Variants in INO80D observed in about 807,000 individuals in gnomAD.
The protein encoded by INO80D is INO80 complex subunit D.
In INO80D, 21 loss-of-function variants were observed where a neutral mutation model predicts 87.6. The observed-to-expected ratio is 0.24, with a 90% CI of 0.17 to 0.35. INO80D has a LOEUF of 0.35. INO80D is among the 10% of genes least tolerant of loss of function. The pLI, the probability that INO80D is intolerant of heterozygous loss-of-function variation, is 1.00. For missense variants in INO80D, 982 were observed against 1,280.7 expected, an observed-to-expected ratio of 0.77 and a Z score of 3.56; for synonymous variants, 440 against 491.0, an observed-to-expected ratio of 0.90 and a Z score of 1.37.
chr2:206,083,784 C>T (rs1351609878), intron 1 of INO80D, among the ~76,000 whole-genome samples: 1 of 146,214 alleles, frequency 6.8e-6, no homozygotes, highest in Admixed American at 7.0e-5. Context: ...GAATGTGGGA[C>T]ATCTCCTGCC....
chr2:206,080,919 AAAAAAAAAG>A (rs1559468716), intron 1 of INO80D, among the ~76,000 whole-genome samples: 1 of 150,582 alleles, frequency 6.6e-6, no homozygotes, highest in East Asian at 1.9e-4. Context: ...AAAAAAAAAA[AAAAAAAAAG>A]AATATTAAAA....
intron 6 of INO80D, among the ~76,000 whole-genome samples, chr2:206,021,426 C>G (rs1000287065): frequency 6.6e-6 from 1 of 152,130 alleles, no homozygotes. Flanking sequence ...GGAAGTGGAT[C>G]ATCATAGAAC....
Position 205,996,679 on chromosome 2 carries a change from T to C in INO80D, c.*7689A>G, listed in dbSNP as rs1027840778. 2.0e-5 allele frequency: 3 copies of C among 152,220 alleles called. No individual in the cohort carries two copies. Among genetic ancestry groups the C allele is most frequent in the Admixed American group, 6.5e-5 (1 of 15,288 alleles). The allele number at this position is 152,220 out of a possible 1,614,324, so 9.4% of individuals were successfully genotyped here. ...ATATAGATTTATACAAATGTATAAA[T>C]AAACATAATACTTTTCAATCTTTCC... On this transcript the variant is annotated 3_prime_UTR_variant, in exon 11 of 11. Transcript: ENST00000403263.
intron 3 of INO80D, among the ~76,000 whole-genome samples, chr2:206,059,705 GA>G (rs965301814): frequency 3.3e-5 from 5 of 151,550 alleles, no homozygotes; most frequent in African/African-American, 1.2e-4. Flanking sequence ...CTGAAAAAGC[GA>G]AAAAGGTTTC....
chr2:206,074,900 T>C (rs550039617), intron 1 of INO80D, among the ~76,000 whole-genome samples: 1 of 145,714 alleles, frequency 6.9e-6, no homozygotes, highest in African/African-American at 2.6e-5. Context: ...GATCGCTCCA[T>C]TGCACTCCAG....
chr2:205,998,791 AATG>A lies in INO80D; in HGVS notation c.*5574_*5576del, dbSNP rs145195845. The A allele has an allele frequency of 6.6e-6, 1 of 152,354 alleles. No individual in the cohort carries two copies. The highest frequency in any genetic ancestry group is 1.9e-4 in the East Asian group (1 of 5,188). 9.4% of individuals were successfully genotyped at this position (152,354 alleles called of 1,614,324 possible). A position where few individuals can be genotyped will look rare whatever the true frequency, so the allele number is the denominator to read the frequency against. On this transcript the variant is annotated 3_prime_UTR_variant, in exon 11 of 11. Coordinates refer to ENST00000403263, the MANE Select transcript of INO80D (RefSeq NM_017759.5). ...GTTTCCTCTTTCTTCCGCTCTCTTC[AATG>A]ATGAGTCACCTTTAGTTTCTTTTAA... is the stretch of plus-strand genomic sequence containing the variant.
intron 1 of INO80D, among the ~76,000 whole-genome samples, chr2:206,081,996 TAC>T (rs971560873): frequency 1.3e-5 from 2 of 152,164 alleles, no homozygotes; most frequent in Non-Finnish European, 1.5e-5. Flanking sequence ...GAAGTCATGC[TAC>T]AAATAAAATT....
At chr2:206,006,908 G>A (rs993727143) in intron 10 of INO80D, among the ~76,000 whole-genome samples, 15 of 151,218 alleles carry the variant, frequency 9.9e-5, no homozygotes, top group African/African-American at 2.7e-4. Context: ...TTAGCCAGGC[G>A]TGGTGGCACA....
At chr2:206,060,567 T>C (rs1455245483) in intron 3 of INO80D, among the ~76,000 whole-genome samples, 1 of 151,422 alleles carries the variant, frequency 6.6e-6, no homozygotes, top group East Asian at 2.0e-4. Flanking sequence ...CTTAGTGCTT[T>C]TTTTTTTTTT....
intron 5 of INO80D, among the ~76,000 whole-genome samples, chr2:206,037,489 T>C (rs1432051456): frequency 6.6e-6 from 1 of 152,218 alleles, no homozygotes; most frequent in Non-Finnish European, 1.5e-5. Context: ...AAATACGTGA[T>C]GAGAAATATC....
chr2:206,054,757 G>A (rs905758090), intron 4 of INO80D, among the ~76,000 whole-genome samples: 2 of 151,214 alleles, frequency 1.3e-5, no homozygotes, highest in Non-Finnish European at 3.0e-5. Context: ...CAGGTGATCT[G>A]CCCACCTCAG....
At position 206,047,976 on chromosome 2, in the gene INO80D, G is replaced by A. The variant is rs945113749; in HGVS notation, c.965-1364C>T. ...CGCCATTCTCCTGCCTCAGCCTCCC[G>A]AGTAGCTGGGACTACAGGCACCCGC... On this transcript the variant is annotated intron_variant, in intron 4 of 10. Transcript: ENST00000403263. Among the ~76,000 whole-genome samples the A allele has an allele frequency of 5.3e-5, 8 of 150,908 alleles. No homozygotes were observed. In the South Asian group the frequency reaches 1.7e-3, roughly 32 times the overall value.
intron 1 of INO80D, among the ~76,000 whole-genome samples, chr2:206,077,589 ATT>A (rs1690155112): frequency 6.6e-6 from 1 of 152,210 alleles, no homozygotes; most frequent in Non-Finnish European, 1.5e-5. Flanking sequence ...TGGGTACAGT[ATT>A]TATTAGTTCC....
intron 1 of INO80D, among the ~76,000 whole-genome samples, chr2:206,084,118 G>C (rs1373102447): frequency 6.6e-6 from 1 of 150,462 alleles, no homozygotes; most frequent in East Asian, 1.9e-4. Context: ...CCAAAATATA[G>C]CTAAAATTGA....
At chr2:206,060,082 G>A (rs377478190) in intron 3 of INO80D, among the ~76,000 whole-genome samples, 1 of 152,086 alleles carries the variant, frequency 6.6e-6, no homozygotes, top group South Asian at 2.1e-4. Context: ...GCTTGTGCCT[G>A]TAGTCCTAGT....
chr2:206,066,804 C>CAA (rs374391311), intron 1 of INO80D, among the ~76,000 whole-genome samples: 174 of 97,948 alleles, frequency 1.8e-3, no homozygotes, highest in Middle Eastern at 5.9e-3. Context: ...GACTCCATCA[C>CAA]AAAAAAAAAA....
At chr2:206,005,952 T>G (rs1688012845) in intron 10 of INO80D, among the ~76,000 whole-genome samples, 2 of 152,088 alleles carry the variant, frequency 1.3e-5, no homozygotes, top group African/African-American at 4.8e-5. Flanking sequence ...AGGTCCACCT[T>G]GCCTGTTCTA....
At chr2:206,082,826 T>A (rs969859529) in intron 1 of INO80D, among the ~76,000 whole-genome samples, 2 of 152,182 alleles carry the variant, frequency 1.3e-5, no homozygotes, top group South Asian at 4.1e-4. Flanking sequence ...TTTTGAAATG[T>A]CATTAATTTT....
At chr2:206,044,610 G>T (rs1340318546) in intron 5 of INO80D, among the ~76,000 whole-genome samples, 1 of 151,452 alleles carries the variant, frequency 6.6e-6, no homozygotes, top group Non-Finnish European at 1.5e-5. Context: ...CAGAGATAAA[G>T]AAAAATGAGG....
Sources: gnomAD v4.1 joint callset for allele counts (sites outside exome capture counted in the v4.1 genomes callset) on GRCh38, gnomAD v4.1.1 for gene constraint, MANE v1.5 for transcripts, NCBI Gene and HGNC (gene_info 2026-07-23, HGNC 2026-07-21) for gene names.